Variants in GALNTL6 observed in about 807,000 individuals in gnomAD.
GALNTL6 encodes the protein polypeptide N-acetylgalactosaminyltransferase like 6.
GALNTL6 carries 46 observed loss-of-function variants against 73.7 expected under a neutral mutation model. The observed-to-expected ratio is 0.62, with a 90% CI of 0.49 to 0.80. The LOEUF is 0.80. Among genes scored for constraint, GALNTL6 ranks in the 30% least tolerant of loss-of-function variants. GALNTL6 has a pLI of 0.00. For missense variants in GALNTL6, 604 were observed against 755.0 expected (o/e 0.80, Z 2.34); for synonymous variants, 259 against 263.7 (o/e 0.98, Z 0.17).
chr4:172,464,711 A>AAAC (rs1732743787), intron 5 of GALNTL6, among the ~76,000 whole-genome samples: 2 of 150,990 alleles, frequency 1.3e-5, no homozygotes, highest in African/African-American at 2.4e-5. Flanking sequence ...TCTGTCTCAA[A>AAAC]AATAATAATA....
chr4:172,241,781 T>C (rs1233838266), intron 3 of GALNTL6, among the ~76,000 whole-genome samples: 1 of 152,224 alleles, frequency 6.6e-6, no homozygotes, highest in Non-Finnish European at 1.5e-5. Context: ...CATTATTGTT[T>C]TTCTTATATT....
intron 2 of GALNTL6, among the ~76,000 whole-genome samples, chr4:171,982,334 G>C (rs1010912221): frequency 1.3e-5 from 2 of 152,128 alleles, no homozygotes; most frequent in Non-Finnish European, 2.9e-5. Flanking sequence ...GTCTCGCTCT[G>C]TCACCCAGGC....
At chr4:171,891,741 A>G (rs1736770161) in intron 2 of GALNTL6, among the ~76,000 whole-genome samples, 1 of 152,236 alleles carries the variant, frequency 6.6e-6, no homozygotes, top group African/African-American at 2.4e-5. Flanking sequence ...TCTGTAGGTT[A>G]AAGTTGCCAG....
chr4:173,024,517 T>C (rs1331263705), intron 12 of GALNTL6, among the ~76,000 whole-genome samples: 2 of 152,240 alleles, frequency 1.3e-5, no homozygotes, highest in Admixed American at 6.5e-5. Flanking sequence ...GAGAAATCTC[T>C]CTGGTGTGTT....
chr4:172,608,319 A>C (rs1382483432), intron 5 of GALNTL6, among the ~76,000 whole-genome samples: 3 of 152,122 alleles, frequency 2.0e-5, no homozygotes, highest in Non-Finnish European at 4.4e-5. Context: ...TGGTAAAAGA[A>C]AAGGGTCAAA....
intron 8 of GALNTL6, among the ~76,000 whole-genome samples, chr4:172,911,959 C>T (rs968448272): frequency 3.9e-5 from 6 of 152,120 alleles, no homozygotes; most frequent in African/African-American, 1.2e-4. Context: ...CTATAGAAAT[C>T]TTTTTAATGT....
At chr4:171,895,439 A>T (rs551086377) in intron 2 of GALNTL6, among the ~76,000 whole-genome samples, 10 of 152,288 alleles carry the variant, frequency 6.6e-5, no homozygotes, top group Middle Eastern at 3.4e-3. Flanking sequence ...CCCCAAATTT[A>T]ATCTGCCTGC....
intron 12 of GALNTL6, among the ~76,000 whole-genome samples, chr4:173,022,952 C>G (rs530895146): frequency 6.6e-6 from 1 of 152,292 alleles, no homozygotes; most frequent in African/African-American, 2.4e-5. Context: ...TCCATAAGCT[C>G]CATTCTGCCC....
intron 2 of GALNTL6, among the ~76,000 whole-genome samples, chr4:172,206,918 G>T (rs529149933): frequency 5.5e-5 from 8 of 146,774 alleles, no homozygotes; most frequent in South Asian, 4.4e-4. Flanking sequence ...CTCGGGTTCA[G>T]GCTATTCTCG....
intron 5 of GALNTL6, among the ~76,000 whole-genome samples, chr4:172,585,306 G>A (rs1293753911): frequency 6.6e-6 from 1 of 151,966 alleles, no homozygotes; most frequent in African/African-American, 2.4e-5. Flanking sequence ...TGTTACATAG[G>A]TATACATGTG....
chr4:172,472,318 A>G (rs1733083359), intron 5 of GALNTL6, among the ~76,000 whole-genome samples: 1 of 152,216 alleles, frequency 6.6e-6, no homozygotes, highest in South Asian at 2.1e-4. Context: ...TTCTGTATCC[A>G]CACTGAAAGC....
At chr4:172,431,047 A>G (rs1209250714) in intron 5 of GALNTL6, among the ~76,000 whole-genome samples, 2 of 152,164 alleles carry the variant, frequency 1.3e-5, no homozygotes, top group Non-Finnish European at 2.9e-5. Flanking sequence ...GAGTTATTGC[A>G]TTATACTTAT....
chr4:171,984,468 AG>A (rs1419718758), intron 2 of GALNTL6, among the ~76,000 whole-genome samples: 6 of 152,054 alleles, frequency 3.9e-5, no homozygotes, highest in Non-Finnish European at 7.4e-5. Context: ...GTGGTCAGAA[AG>A]GGTTGTAGAG....
chr4:172,169,081 A>G (rs910863905), intron 2 of GALNTL6, among the ~76,000 whole-genome samples: 2 of 152,238 alleles, frequency 1.3e-5, no homozygotes, highest in Non-Finnish European at 2.9e-5. Flanking sequence ...TGTTATTCCT[A>G]GCCCCAGCTT....
intron 2 of GALNTL6, among the ~76,000 whole-genome samples, chr4:171,927,431 TTG>T (rs1217407053): frequency 6.6e-6 from 1 of 152,168 alleles, no homozygotes; most frequent in African/African-American, 2.4e-5. Context: ...ACTATAGATT[TTG>T]TGTTTTTCAA....
intron 7 of GALNTL6, among the ~76,000 whole-genome samples, chr4:172,868,278 C>T (rs1446271689): frequency 1.3e-5 from 2 of 152,170 alleles, no homozygotes; most frequent in Non-Finnish European, 1.5e-5. Flanking sequence ...TACCATCCAG[C>T]TTAAATGGAG....
chr4:172,674,649 G>A (rs535932286), intron 5 of GALNTL6, among the ~76,000 whole-genome samples: 2 of 152,092 alleles, frequency 1.3e-5, no homozygotes, highest in African/African-American at 4.8e-5. Context: ...TTTCTTGGAG[G>A]TTTTGTTCAT....
intron 2 of GALNTL6, among the ~76,000 whole-genome samples, chr4:172,137,009 C>A (rs1733655050): frequency 6.6e-6 from 1 of 151,996 alleles, no homozygotes; most frequent in African/African-American, 2.4e-5. Context: ...CCCATATACC[C>A]CTTTTTAATG....
At chr4:172,249,940 C>A (rs1207349855) in intron 3 of GALNTL6, among the ~76,000 whole-genome samples, 4 of 152,164 alleles carry the variant, frequency 2.6e-5, no homozygotes, top group African/African-American at 9.6e-5. Context: ...ACAGAGTCCC[C>A]ACTAGGGCAC....
Sources: gnomAD v4.1 joint callset for allele counts (sites outside exome capture counted in the v4.1 genomes callset) on GRCh38, gnomAD v4.1.1 for gene constraint, MANE v1.5 for transcripts, NCBI Gene and HGNC (gene_info 2026-07-23, HGNC 2026-07-21) for gene names.